Variants in FAHD1 observed in about 807,000 individuals in gnomAD.
The protein encoded by FAHD1 is oxaloacetate tautomerase FAHD1, mitochondrial.
A neutral mutation model predicts 12.7 loss-of-function variants in FAHD1; 14 were observed. That is an observed-to-expected ratio of 1.10 (90% CI 0.73 to 1.72). The LOEUF is 1.72. Among genes scored for constraint, FAHD1 ranks in the 40% most tolerant of loss-of-function variants. FAHD1 has a pLI of 0.00. For synonymous variants in FAHD1, 153 were observed against 124.9 expected (o/e 1.22, Z -1.50); for missense variants, 351 against 298.9 (o/e 1.17, Z -1.29).
At chr16:1,836,400 A>G (rs924461867) in intron 1 of FAHD1, among the ~76,000 whole-genome samples, 2 of 152,204 alleles carry the variant, frequency 1.3e-5, no homozygotes, top group African/African-American at 4.8e-5. Context: ...CCATGAACTT[A>G]AGTTGATCAG....
Position 1,827,333 on chromosome 16 carries a change from GC to G in FAHD1, c.96del (p.Ser33AlafsTer4). On this transcript the variant is annotated frameshift_variant, in exon 1 of 1. Coordinates refer to ENST00000427358, the Ensembl canonical transcript of FAHD1. LOFTEE classifies it high-confidence loss of function. ...TACGCGGACCACGTCAGGGAGATGC[GC>G]AGCGCGGTGTTGAGCGAGCCCGTGC... 1 of 1,613,154 alleles carries G rather than the reference GC, an allele frequency of 6.2e-7. No individual in the cohort carries two copies.
downstream of FAHD1, among the ~76,000 whole-genome samples, chr16:1,833,087 C>T (rs1407610483): frequency 6.6e-6 from 1 of 152,126 alleles, no homozygotes; most frequent in Non-Finnish European, 1.5e-5. Flanking sequence ...GTCAAACCTC[C>T]CAGGCCGTGG....
rs553963611 is a variant in FAHD1, at chr16:1,840,143, C to T, written c.*890C>T. The T allele has an allele frequency of 4.6e-5, 7 of 152,258 alleles. No homozygotes were observed. The South Asian group carries it at 1.5e-3, about 32-fold the overall frequency. The allele number at this position is 152,258 out of a possible 1,614,324, so 9.4% of individuals were successfully genotyped here. Reference sequence around the variant, plus strand: ...AGTGGTTTCTTATCTAGCCACAGATCACTTGGTCTAGCAAATTTTAGATGC... The same window carrying T: ...AGTGGTTTCTTATCTAGCCACAGATTACTTGGTCTAGCAAATTTTAGATGC... On this transcript the variant is annotated 3_prime_UTR_variant, in exon 3 of 3. Transcript: ENST00000382666.
exon 1 of FAHD1, chr16:1,827,743 A>G: frequency 6.2e-7 from 1 of 1,614,128 alleles, no homozygotes; most frequent in South Asian, 1.1e-5. Context: ...CATCCCCTAC[A>G]TCATCAGCTA....
At chr16:1,835,356 C>G (rs1383785255) in intron 1 of FAHD1, among the ~76,000 whole-genome samples, 1 of 152,022 alleles carries the variant, frequency 6.6e-6, no homozygotes, top group African/African-American at 2.4e-5. Context: ...GGGACTCAAT[C>G]TGTGAGACTA....
At chr16:1,828,997 C>T, downstream of FAHD1, 1 of 861,952 alleles carries the variant, frequency 1.2e-6, no homozygotes, top group South Asian at 5.5e-5. Flanking sequence ...TAGTCTTTGA[C>T]CTTTGGCCTT....
chr16:1,833,054 C>T (rs1217304191), downstream of FAHD1, among the ~76,000 whole-genome samples: 1 of 152,076 alleles, frequency 6.6e-6, no homozygotes, highest in African/African-American at 2.4e-5. Context: ...TGGTGGAGGG[C>T]ATGTAGCCTT....
At chr16:1,837,937 A>G in intron 1 of FAHD1, 1 of 1,454,772 alleles carries the variant, frequency 6.9e-7, no homozygotes, top group South Asian at 1.4e-5. Context: ...TTTTGACAAC[A>G]GTGTGAAACA....
chr16:1,835,770 C>T (rs994781620), intron 1 of FAHD1, among the ~76,000 whole-genome samples: 21 of 152,280 alleles, frequency 1.4e-4, no homozygotes, highest in African/African-American at 4.1e-4. Context: ...ACTGCTTCTG[C>T]CCTATAGAGG....
downstream of FAHD1, chr16:1,829,047 G>A: frequency 2.2e-6 from 1 of 451,156 alleles, no homozygotes; most frequent in Non-Finnish European, 3.0e-6. Context: ...ATCAGCAACT[G>A]TACTTCCCAA....
chr16:1,839,565 T>G (rs1354332354), exon 3 of FAHD1: 1 of 787,268 alleles, frequency 1.3e-6, no homozygotes, highest in East Asian at 2.7e-5. Context: ...TGTTCAGTGC[T>G]ATGCGGTCTA....
chr16:1,832,613 A>C (rs10468426), downstream of FAHD1, among the ~76,000 whole-genome samples: 27,041 of 151,960 alleles, frequency 0.18, 2,569 homozygotes, highest in South Asian at 0.27. Context: ...TGCCAAGATC[A>C]CTGTCTCTAC....
At position 1,827,753 on chromosome 16, in the gene FAHD1, A is replaced by G. The variant is rs150430426; in HGVS notation, c.515A>G (p.Tyr172Cys). The change falls in exon 1 of 1, where the codon TAT (tyrosine) becomes TGT (cysteine). Residue 172 changes from tyrosine to cysteine, a missense_variant. Physicochemically the swap from Tyr to Cys is radical, Grantham distance 194 (BLOSUM62 -2). Coordinates refer to ENST00000427358, the Ensembl canonical transcript of FAHD1. ...TTTTCCATCCCCTACATCATCAGCT[A>G]TGTTTCTAAGATCATAACCTTGGAA... 1.9e-5 allele frequency: 30 copies of G among 1,613,972 alleles called. No individual in the cohort carries two copies. The highest frequency in any genetic ancestry group is 5.3e-5 in the African/African-American group (4 of 74,930).
exon 1 of FAHD1, chr16:1,828,564 T>C: frequency 1.0e-6 from 1 of 1,000,302 alleles, no homozygotes; most frequent in Non-Finnish European, 1.2e-6. Context: ...ATGTTCCAGA[T>C]AACTTTCCGT....
chr16:1,827,959 G>T (rs892991521), exon 1 of FAHD1: 50 of 1,570,832 alleles, frequency 3.2e-5, no homozygotes, highest in Non-Finnish European at 4.3e-5. Context: ...GCAAGCAACG[G>T]CTATTAAATG....
chr16:1,831,382 A>C (rs1898617534), downstream of FAHD1, among the ~76,000 whole-genome samples: 1 of 152,168 alleles, frequency 6.6e-6, no homozygotes, highest in African/African-American at 2.4e-5. Flanking sequence ...CCAAGGAAGA[A>C]AGTGGTCTCT....
intron 1 of FAHD1, chr16:1,834,262 A>G (rs1898678620): frequency 6.3e-7 from 1 of 1,582,792 alleles, no homozygotes; most frequent in African/African-American, 1.3e-5. Flanking sequence ...CGTTTTAAAC[A>G]TGTTTTTGTC....
At chr16:1,835,505 GA>G (rs1254572972) in intron 1 of FAHD1, among the ~76,000 whole-genome samples, 9 of 151,820 alleles carry the variant, frequency 5.9e-5, no homozygotes, top group African/African-American at 1.9e-4. Context: ...AAGACTGAGA[GA>G]AAAAAAAGTA....
chr16:1,835,083 T>C (rs530343212), intron 1 of FAHD1, among the ~76,000 whole-genome samples: 1 of 152,130 alleles, frequency 6.6e-6, no homozygotes, highest in African/African-American at 2.4e-5. Context: ...AGTGAAACCC[T>C]GTCTCTACTA....
Sources: gnomAD v4.1 joint callset for allele counts (sites outside exome capture counted in the v4.1 genomes callset) on GRCh38, gnomAD v4.1.1 for gene constraint, MANE v1.5 for transcripts, NCBI Gene and HGNC (gene_info 2026-07-23, HGNC 2026-07-21) for gene names.